PDE3A: variants seen among roughly 807,000 people sequenced by gnomAD.
PDE3A encodes the protein phosphodiesterase 3A, also known as cGMP-inhibited 3',5'-cyclic phosphodiesterase 3A.
Under a neutral mutation model 98.3 loss-of-function variants are expected in PDE3A, and 43 were observed. The observed-to-expected ratio is 0.44, with a 90% CI of 0.34 to 0.56. The LOEUF is 0.56. Among genes scored for constraint, PDE3A ranks in the 20% least tolerant of loss-of-function variants. The pLI, the probability that PDE3A is intolerant of heterozygous loss-of-function variation, is 0.01. For synonymous variants in PDE3A, 663 were observed against 567.9 expected (o/e 1.17, Z -2.38); for missense variants, 1,427 against 1,440.7 (o/e 0.99, Z 0.15).
At chr12:20,494,084 T>A (rs1945875227) in intron 1 of PDE3A, among the ~76,000 whole-genome samples, 1 of 152,214 alleles carries the variant, frequency 6.6e-6, no homozygotes, top group African/African-American at 2.4e-5. Context: ...ACCTCTAATT[T>A]TGGATTCAAG....
At chr12:20,570,506 C>A (rs1167176042) in intron 2 of PDE3A, among the ~76,000 whole-genome samples, 3 of 135,662 alleles carry the variant, frequency 2.2e-5, no homozygotes, top group African/African-American at 8.3e-5. Context: ...GTGAATAGAA[C>A]ACAGAGCAGT....
chr12:20,379,491 A>AT (rs1192018358), intron 1 of PDE3A, among the ~76,000 whole-genome samples: 1 of 151,808 alleles, frequency 6.6e-6, no homozygotes, highest in Non-Finnish European at 1.5e-5. Flanking sequence ...TCAGATTCAG[A>AT]TTAAGACAAT....
chr12:20,596,842 T>G lies in PDE3A; in HGVS notation c.1012-16601T>G, dbSNP rs528232421. On this transcript the variant is annotated intron_variant, in intron 2 of 15. Coordinates refer to ENST00000359062, the MANE Select transcript of PDE3A (RefSeq NM_000921.5). ...CAAGTTCCCCTTAATAATCTTTATCTACTTAGGCTCTCATTAATTGGAGGA... is the reference window on the plus strand; with the variant it reads ...CAAGTTCCCCTTAATAATCTTTATCGACTTAGGCTCTCATTAATTGGAGGA... Among the ~76,000 whole-genome samples the G allele has an allele frequency of 2.9e-3, 445 of 152,306 alleles. 3 individuals carry two copies. Among genetic ancestry groups the G allele is most frequent in the Non-Finnish European group, 2.4e-3 (160 of 68,014 alleles).
chr12:20,464,131 C>G (rs1945300331), intron 1 of PDE3A, among the ~76,000 whole-genome samples: 1 of 152,100 alleles, frequency 6.6e-6, no homozygotes, highest in Non-Finnish European at 1.5e-5. Context: ...CTAGATGGCT[C>G]TGTTCTCAGA....
chr12:20,421,779 C>T (rs1944515985), intron 1 of PDE3A, among the ~76,000 whole-genome samples: 1 of 152,020 alleles, frequency 6.6e-6, no homozygotes, highest in Non-Finnish European at 1.5e-5. Context: ...GCTTCTTGCT[C>T]CTTTGAATAG....
chr12:20,640,748 A>G (rs1944628043), intron 10 of PDE3A, among the ~76,000 whole-genome samples: 1 of 152,122 alleles, frequency 6.6e-6, no homozygotes, highest in African/African-American at 2.4e-5. Context: ...GCTACGAAAT[A>G]TATGGTTTGG....
intron 1 of PDE3A, among the ~76,000 whole-genome samples, chr12:20,518,023 T>C (rs1330212029): frequency 6.6e-6 from 1 of 152,200 alleles, no homozygotes; most frequent in Non-Finnish European, 1.5e-5. Flanking sequence ...AGACAGGGAC[T>C]CATGTCTCCC....
chr12:20,556,710 G>A lies in PDE3A; in HGVS notation c.1011G>A (p.Gln337=). The A allele has an allele frequency of 6.2e-7, 1 of 1,606,540 alleles. No individual in the cohort carries two copies. Among genetic ancestry groups the A allele is most frequent in the African/African-American group, 1.3e-5 (1 of 74,912 alleles). ...WDHKRGPRGS[Q]SSGTSITVDI... ...ACAAACGAGGGCCAAGAGGATCACA[G>A]GTAAGTTTCTTTTCCTTTTCTTTTT... Residue 337 remains glutamine, a splice_region_variant and synonymous_variant, in exon 2 of 16, where the codon CAG becomes CAA. Coordinates refer to ENST00000359062, the MANE Select transcript of PDE3A (RefSeq NM_000921.5).
chr12:20,537,344 C>G (rs1268498805), intron 1 of PDE3A, among the ~76,000 whole-genome samples: 8 of 151,934 alleles, frequency 5.3e-5, no homozygotes. Context: ...ACAATATTTT[C>G]TCTCAGTCCT....
chr12:20,647,137 G>T (rs865947806), intron 12 of PDE3A, among the ~76,000 whole-genome samples, 187 bp downstream of exon 12: 7 of 152,182 alleles, frequency 4.6e-5, no homozygotes, highest in Middle Eastern at 3.4e-3. Context: ...CTAATAGCAG[G>T]TATACAACTT....
intron 2 of PDE3A, among the ~76,000 whole-genome samples, chr12:20,569,020 A>T (rs1266107895): frequency 7.2e-5 from 11 of 152,092 alleles, no homozygotes; most frequent in Non-Finnish European, 7.4e-5. Flanking sequence ...CACCACATTA[A>T]TAAATATGTG....
intron 2 of PDE3A, among the ~76,000 whole-genome samples, chr12:20,566,094 T>G (rs1942647732): frequency 6.6e-6 from 1 of 151,960 alleles, no homozygotes; most frequent in Admixed American, 6.6e-5. Context: ...AGAAAAAGCC[T>G]GGAATAATAT....
chr12:20,475,661 C>G (rs1012741448), intron 1 of PDE3A, among the ~76,000 whole-genome samples: 3 of 152,036 alleles, frequency 2.0e-5, no homozygotes, highest in African/African-American at 7.2e-5. Flanking sequence ...ACCTCGGAGG[C>G]AGAGGTTGCA....
At chr12:20,586,856 C>CTGAT (rs1164856430) in intron 2 of PDE3A, among the ~76,000 whole-genome samples, 1 of 152,116 alleles carries the variant, frequency 6.6e-6, no homozygotes, top group Non-Finnish European at 1.5e-5. Context: ...ATCTTTTGCA[C>CTGAT]TGATAGTGGA....
intron 1 of PDE3A, among the ~76,000 whole-genome samples, chr12:20,382,522 A>G (rs1943680164): frequency 6.6e-6 from 1 of 151,954 alleles, no homozygotes; most frequent in African/African-American, 2.4e-5. Context: ...CCTCATCTGT[A>G]AAATAGGAAT....
At chr12:20,679,666 G>A (rs2120490747) in intron 15 of PDE3A, among the ~76,000 whole-genome samples, 1 of 152,100 alleles carries the variant, frequency 6.6e-6, no homozygotes, top group South Asian at 2.1e-4. Context: ...CTAACAAGAA[G>A]TTATTTCAGT....
At chr12:20,674,619 T>G (rs1008299256) in intron 15 of PDE3A, among the ~76,000 whole-genome samples, 1 of 152,164 alleles carries the variant, frequency 6.6e-6, no homozygotes, top group Non-Finnish European at 1.5e-5. Flanking sequence ...TATTGCTGAT[T>G]TAATCTGATT....
At chr12:20,618,359 A>G (rs1944057505) in intron 4 of PDE3A, among the ~76,000 whole-genome samples, 1 of 147,604 alleles carries the variant, frequency 6.8e-6, no homozygotes, top group African/African-American at 2.5e-5. Context: ...TTATTTATTT[A>G]TTCCTTTCCA....
chr12:20,631,639 A>G (rs1472619628), intron 6 of PDE3A, among the ~76,000 whole-genome samples: 2 of 151,922 alleles, frequency 1.3e-5, no homozygotes, highest in African/African-American at 4.8e-5. Context: ...AGTCCCCTAA[A>G]GAAAGGAGAG....
Sources: allele counts gnomAD v4.1 joint callset (sites outside exome capture counted in the v4.1 genomes callset), GRCh38; gene constraint gnomAD v4.1.1; transcripts MANE v1.5; gene names NCBI Gene and HGNC (gene_info 2026-07-23, HGNC 2026-07-21).